Variants in GPC6 observed in about 807,000 individuals in gnomAD.
The protein encoded by GPC6 is glypican-6.
Under a neutral mutation model 55.2 loss-of-function variants are expected in GPC6, and 14 were observed. The observed-to-expected ratio is 0.25, with a 90% CI of 0.17 to 0.40. The LOEUF is 0.40. GPC6 is among the 10% of genes least tolerant of loss of function. The pLI, the probability that GPC6 is intolerant of heterozygous loss-of-function variation, is 1.00. For missense variants in GPC6, 641 were observed against 708.5 expected (o/e 0.90, Z 1.08); for synonymous variants, 278 against 259.6 (o/e 1.07, Z -0.68).
chr13:94,177,824 T>G (rs756925100), intron 4 of GPC6, among the ~76,000 whole-genome samples: 2 of 152,164 alleles, frequency 1.3e-5, no homozygotes, highest in Non-Finnish European at 1.5e-5. Flanking sequence ...AAACTAATAA[T>G]AAACCACATG....
chr13:94,347,841 T>C (rs1878364668), intron 6 of GPC6, among the ~76,000 whole-genome samples: 1 of 152,196 alleles, frequency 6.6e-6, no homozygotes, highest in Non-Finnish European at 1.5e-5. Flanking sequence ...ATAACAACCA[T>C]GTTTGGGATA....
At chr13:93,371,440 C>G (rs1448557094) in intron 1 of GPC6, among the ~76,000 whole-genome samples, 1 of 151,990 alleles carries the variant, frequency 6.6e-6, no homozygotes, top group African/African-American at 2.4e-5. Context: ...AAAAAATGAT[C>G]TCAAAGAATC....
chr13:93,671,715 T>C (rs958074932), intron 2 of GPC6, among the ~76,000 whole-genome samples: 6 of 152,082 alleles, frequency 3.9e-5, no homozygotes, highest in Non-Finnish European at 8.8e-5. Flanking sequence ...AATGGGGCTG[T>C]CATCCTGCTA....
At chr13:93,754,717 A>T (rs1884712009) in intron 2 of GPC6, among the ~76,000 whole-genome samples, 2 of 151,528 alleles carry the variant, frequency 1.3e-5, no homozygotes, top group Non-Finnish European at 2.9e-5. Flanking sequence ...AAAAAAAACT[A>T]AAATCGATGG....
intron 4 of GPC6, among the ~76,000 whole-genome samples, chr13:94,096,729 G>A (rs184034871): frequency 1.5e-5 from 2 of 132,982 alleles, no homozygotes; most frequent in East Asian, 4.0e-4. Context: ...TCTAGTTATA[G>A]GCAAACAGAA....
At chr13:93,959,201 C>T (rs1879653456) in intron 3 of GPC6, among the ~76,000 whole-genome samples, 1 of 148,592 alleles carries the variant, frequency 6.7e-6, no homozygotes, top group Admixed American at 6.7e-5. Flanking sequence ...CTCACTCTGT[C>T]TCTCAGGCTG....
chr13:93,551,027 T>C (rs948530558), intron 2 of GPC6, among the ~76,000 whole-genome samples: 2 of 152,102 alleles, frequency 1.3e-5, no homozygotes, highest in African/African-American at 2.4e-5. Context: ...GGAGGAAAGT[T>C]TTCTATGTAG....
intron 3 of GPC6, among the ~76,000 whole-genome samples, chr13:93,846,992 TTC>T (rs1188247157): frequency 6.6e-6 from 1 of 152,202 alleles, no homozygotes; most frequent in African/African-American, 2.4e-5. Context: ...TTCATACACT[TTC>T]TGTTTATTTC....
At chr13:93,638,722 A>T (rs1217468369) in intron 2 of GPC6, among the ~76,000 whole-genome samples, 4 of 152,174 alleles carry the variant, frequency 2.6e-5, no homozygotes, top group African/African-American at 4.8e-5. Flanking sequence ...CATTATAACC[A>T]TATACAAAAA....
chr13:93,352,188 G>A (rs775800677), intron 1 of GPC6, among the ~76,000 whole-genome samples: 4 of 152,002 alleles, frequency 2.6e-5, no homozygotes, highest in Admixed American at 6.6e-5. Context: ...GTAAATTTAC[G>A]GAACACCAAT....
intron 1 of GPC6, among the ~76,000 whole-genome samples, chr13:93,280,356 T>A (rs1454389022): frequency 6.6e-6 from 1 of 152,228 alleles, no homozygotes; most frequent in Non-Finnish European, 1.5e-5. Flanking sequence ...AGGTTTTTTT[T>A]ATCCAGAGCC....
At chr13:94,083,171 T>A (rs1047924297) in intron 4 of GPC6, among the ~76,000 whole-genome samples, 2 of 152,194 alleles carry the variant, frequency 1.3e-5, no homozygotes, top group Non-Finnish European at 2.9e-5. Context: ...CAGGCTGGAG[T>A]GCAGTGGTGC....
intron 2 of GPC6, among the ~76,000 whole-genome samples, chr13:93,604,205 A>G (rs1033708408): frequency 1.3e-5 from 2 of 152,230 alleles, no homozygotes; most frequent in African/African-American, 4.8e-5. Flanking sequence ...CTCAGCTGTT[A>G]AAGTAACAAA....
chr13:93,320,633 T>TTA (rs557134151), intron 1 of GPC6, among the ~76,000 whole-genome samples: 2,170 of 149,602 alleles, frequency 0.015, 16 homozygotes, highest in Middle Eastern at 0.028. Context: ...AGTGTATATA[T>TTA]TATATATATA....
chr13:94,334,001 A>G (rs1333315356), intron 6 of GPC6, among the ~76,000 whole-genome samples: 2 of 152,224 alleles, frequency 1.3e-5, no homozygotes, highest in Non-Finnish European at 2.9e-5. Context: ...AGCCCCTTAT[A>G]GAAGAGCTCA....
intron 3 of GPC6, among the ~76,000 whole-genome samples, chr13:93,907,153 C>T (rs1876718562): frequency 6.6e-6 from 1 of 152,104 alleles, no homozygotes; most frequent in Non-Finnish European, 1.5e-5. Context: ...ATAAGATCTA[C>T]AATCCTTCAA....
Position 94,051,444 on chromosome 13 carries a change from G to A in GPC6, c.877+23550G>A, listed in dbSNP as rs79288212. Among the ~76,000 whole-genome samples, 504 of 152,178 alleles carry A rather than the reference G, an allele frequency of 3.3e-3. 1 individual carries two copies. The highest frequency in any genetic ancestry group is 0.011 in the African/African-American group (472 of 41,530). On this transcript the variant is annotated intron_variant, in intron 4 of 8. Transcript: ENST00000377047. Reference sequence around the variant, plus strand: ...ATCACAAGCTTCCACATGCATCTAAGGCATATACTCTTGTTGCTTTTTGAA... The same window carrying A: ...ATCACAAGCTTCCACATGCATCTAAAGCATATACTCTTGTTGCTTTTTGAA...
chr13:94,096,466 T>C (rs1197997486), intron 4 of GPC6, among the ~76,000 whole-genome samples: 1 of 152,160 alleles, frequency 6.6e-6, no homozygotes, highest in African/African-American at 2.4e-5. Flanking sequence ...TTTGAGAGGC[T>C]CTTTATTGTT....
At chr13:94,065,385 C>T (rs1008710308) in intron 4 of GPC6, among the ~76,000 whole-genome samples, 1 of 152,164 alleles carries the variant, frequency 6.6e-6, no homozygotes, top group Non-Finnish European at 1.5e-5. Flanking sequence ...AATCCATAGG[C>T]ATGGTTAACT....
Sources: allele counts gnomAD v4.1 joint callset (sites outside exome capture counted in the v4.1 genomes callset), GRCh38; gene constraint gnomAD v4.1.1; transcripts MANE v1.5; gene names NCBI Gene and HGNC (gene_info 2026-07-23, HGNC 2026-07-21).